STX18: variants seen among roughly 807,000 people sequenced by gnomAD.
The protein encoded by STX18 is syntaxin-18.
STX18 carries 40 observed loss-of-function variants against 50.1 expected under a neutral mutation model. The observed-to-expected ratio is 0.80, with a 90% CI of 0.62 to 1.04. STX18 has a LOEUF of 1.04. STX18 is among the 50% of genes least tolerant of loss of function. The pLI is 0.00. For synonymous variants in STX18, 158 were observed against 151.8 expected, an observed-to-expected ratio of 1.04 and a Z score of -0.30; for missense variants, 410 against 415.8, an observed-to-expected ratio of 0.99 and a Z score of 0.12.
intron 5 of STX18, chr4:4,453,608 T>C (rs924684168): frequency 4.2e-5 from 38 of 898,764 alleles, no homozygotes; most frequent in Non-Finnish European, 4.5e-5. Context: ...TTTGTTGCTG[T>C]CTGGAACCAC....
intron 1 of STX18, among the ~76,000 whole-genome samples, chr4:4,536,611 G>C (rs1731346506): frequency 6.6e-6 from 1 of 152,190 alleles, no homozygotes; most frequent in African/African-American, 2.4e-5. Flanking sequence ...GTGAGAAAAT[G>C]AAAGAGGCCA....
chr4:4,452,686 C>A (rs757705211), intron 5 of STX18, among the ~76,000 whole-genome samples: 1 of 152,166 alleles, frequency 6.6e-6, no homozygotes, highest in Non-Finnish European at 1.5e-5. Context: ...CAGAGTGAGA[C>A]CCCAACTCAA....
intron 2 of STX18, 62 bp from the exon 3 acceptor site, chr4:4,459,549 G>T: frequency 2.4e-6 from 3 of 1,247,060 alleles, no homozygotes; most frequent in Non-Finnish European, 3.5e-6. Context: ...GTCTGAGTGG[G>T]ATGGGAAGAG....
intron 1 of STX18, among the ~76,000 whole-genome samples, chr4:4,512,396 C>T (rs1730046875): frequency 6.6e-6 from 1 of 152,112 alleles, no homozygotes; most frequent in African/African-American, 2.4e-5. Context: ...GTTGCTACCC[C>T]TGGTCCATGA....
Position 4,438,472 on chromosome 4 carries a change from C to T in STX18, c.535G>A (p.Glu179Lys). 6.2e-7 allele frequency: 1 copy of T among 1,613,732 alleles called. No individual in the cohort carries two copies. The highest frequency in any genetic ancestry group is 2.2e-5 in the East Asian group (1 of 44,884). ...GAAACTTTCTCAGAAGATGTGGATT[C>T]TCTTGTCTTTGTATTTGGTTCTGGT... ...LEPEPNTKTR[E>K]STSSEKVSQS... is the part of the protein sequence containing the mutation. The change falls in exon 6 of 11, where the codon GAA (glutamate) becomes AAA (lysine). Residue 179 changes from glutamate (E) to lysine (K), a missense_variant. Transcript: ENST00000306200.
rs933772286 is a variant in STX18, at chr4:4,496,530, T to C, written c.169-24824A>G. ...CCCTGTCTTTGCAGTCTCTACCCTT[T>C]CTAATGCAACATCCACTCTCCCACA... On this transcript the variant is annotated intron_variant, in intron 1 of 10. Coordinates refer to ENST00000306200, the MANE Select transcript of STX18 (RefSeq NM_016930.4). Among the ~76,000 whole-genome samples, 107 of 152,258 alleles carry C rather than the reference T, an allele frequency of 7.0e-4. 1 individual carries two copies. The highest frequency in any genetic ancestry group is 2.4e-3 in the African/African-American group (100 of 41,544).
chr4:4,423,752 C>G (rs185164066), intron 8 of STX18, 165 bp from the exon 9 acceptor site: 37 of 662,540 alleles, frequency 5.6e-5, no homozygotes, highest in Admixed American at 4.0e-4. Context: ...GGCGAACTCT[C>G]CTTACTGGGT....
intron 9 of STX18, among the ~76,000 whole-genome samples, chr4:4,422,600 GAAAAGA>G (rs1247614699): frequency 6.6e-6 from 1 of 150,948 alleles, no homozygotes; most frequent in Non-Finnish European, 1.5e-5. Context: ...GAAAAAAAAA[GAAAAGA>G]AAAAGAAACT....
Position 4,420,774 on chromosome 4 carries a change from TC to T in STX18, c.912+89del. On this transcript the variant is annotated intron_variant, in intron 10 of 10. Coordinates refer to ENST00000306200, the MANE Select transcript of STX18 (RefSeq NM_016930.4). The surrounding 1 kb of genome is among the most constrained non-coding windows in gnomAD (Gnocchi z 4.3). ...CCCCGTGAGCTCTGCCCAGCAAGGC[TC>T]CTGGGCAGCTGTGCCGGCGAGACTA... 1 of 1,210,828 alleles carries T rather than the reference TC, an allele frequency of 8.3e-7. No homozygotes were observed. Among genetic ancestry groups the T allele is most frequent in the South Asian group, 1.2e-5 (1 of 81,654 alleles). The allele number at this position is 1,210,828 out of a possible 1,614,324, so 75.0% of individuals were successfully genotyped here. A position where few individuals can be genotyped will look rare whatever the true frequency, so the allele number is the denominator to read the frequency against.
chr4:4,422,242 CAAG>C (rs1048769183), intron 9 of STX18, among the ~76,000 whole-genome samples: 2 of 151,230 alleles, frequency 1.3e-5, no homozygotes, highest in African/African-American at 4.9e-5. Context: ...ATGGAAAAAA[CAAG>C]AAAGACACAT....
At chr4:4,499,631 T>A in intron 1 of STX18, 1 of 659,806 alleles carries the variant, frequency 1.5e-6, no homozygotes, top group Non-Finnish European at 1.9e-6. Context: ...TAATCCAACT[T>A]AATCATTAAA....
intron 3 of STX18, among the ~76,000 whole-genome samples, chr4:4,458,019 A>C (rs896237572): frequency 1.2e-4 from 19 of 152,158 alleles, no homozygotes; most frequent in African/African-American, 4.6e-4. Flanking sequence ...GAACTACCAC[A>C]CAGAAGTGTG....
At chr4:4,529,432 T>C (rs1452282690) in intron 1 of STX18, among the ~76,000 whole-genome samples, 1 of 152,224 alleles carries the variant, frequency 6.6e-6, no homozygotes, top group Admixed American at 6.5e-5. Flanking sequence ...GAAGCAGCCA[T>C]ATTTCCCCAA....
intron 1 of STX18, among the ~76,000 whole-genome samples, chr4:4,531,915 T>C (rs1030173353): frequency 6.6e-6 from 1 of 152,214 alleles, no homozygotes; most frequent in Non-Finnish European, 1.5e-5. Context: ...TTGAAACAAA[T>C]TTGGTAAAAA....
At chr4:4,497,153 C>T (rs959277334) in intron 1 of STX18, among the ~76,000 whole-genome samples, 5 of 152,138 alleles carry the variant, frequency 3.3e-5, no homozygotes, top group South Asian at 2.1e-4. Context: ...CAGGGCCAGG[C>T]GAGGGCAAGA....
In STX18 at chr4:4,422,300, C is replaced by T. The variant is rs147120748; in HGVS notation, c.831+1218G>A. On this transcript the variant is annotated intron_variant, in intron 9 of 10. Transcript: ENST00000306200. ...ACTCCCAGTGGGCCGGGCGCAGTGG[C>T]TCTCGTCTGTAATCCCAGCACTTTG... Among the ~76,000 whole-genome samples the T allele has an allele frequency of 8.0e-3, 1,217 of 152,242 alleles. 16 individuals carry two copies. Among genetic ancestry groups the T allele is most frequent in the African/African-American group, 0.026 (1,099 of 41,552 alleles).
intron 2 of STX18, among the ~76,000 whole-genome samples, chr4:4,470,332 T>C (rs572632276): frequency 1.2e-4 from 18 of 152,264 alleles, no homozygotes; most frequent in Non-Finnish European, 2.2e-4. Flanking sequence ...AAAACAAAAA[T>C]GTCTCCAGAC....
At chr4:4,529,004 T>C (rs1269789007) in intron 1 of STX18, among the ~76,000 whole-genome samples, 1 of 152,248 alleles carries the variant, frequency 6.6e-6, no homozygotes, top group Non-Finnish European at 1.5e-5. Context: ...TCAATGATTT[T>C]ACTAACTAAA....
intron 1 of STX18, among the ~76,000 whole-genome samples, chr4:4,508,471 G>A (rs948580189): frequency 6.6e-6 from 1 of 152,150 alleles, no homozygotes; most frequent in Non-Finnish European, 1.5e-5. Context: ...TGGAGACCAG[G>A]AGTGCCAGAT....
Sources: allele counts gnomAD v4.1 joint callset (sites outside exome capture counted in the v4.1 genomes callset), GRCh38; gene constraint gnomAD v4.1.1; non-coding constraint Gnocchi (gnomAD v3.1); transcripts MANE v1.5; gene names NCBI Gene and HGNC (gene_info 2026-07-23, HGNC 2026-07-21).